The following TRPC5 variants were observed in gnomAD, a reference collection of about 807,000 sequenced individuals.
TRPC5 encodes the protein short transient receptor potential channel 5.
Under a neutral mutation model 56.5 loss-of-function variants are expected in TRPC5, and 9 were observed. The observed-to-expected ratio is 0.16, with a 90% CI of 0.10 to 0.28. The LOEUF is 0.28. Ranked by LOEUF, TRPC5 falls within the 10% of genes least tolerant of loss-of-function variation. The pLI is 1.00. For synonymous variants in TRPC5, 282 were observed against 278.5 expected (o/e 1.01, Z -0.13); for missense variants, 469 against 748.9 (o/e 0.63, Z 4.36).
At chrX:111,787,498 T>C (rs1436205541) in intron 7 of TRPC5, among the ~76,000 whole-genome samples, 2 of 104,611 alleles carry the variant, frequency 1.9e-5, no homozygotes, top group Non-Finnish European at 3.9e-5. Context: ...TTAAAAGAAC[T>C]AGAGAAGCAA....
chrX:111,881,145 T>TATTTTATTTTATTTTATTTTATTTTA (rs201802293), intron 3 of TRPC5, among the ~76,000 whole-genome samples: 4 of 95,038 alleles, frequency 4.2e-5, no homozygotes, highest in African/African-American at 2.2e-4. Flanking sequence ...GATTTTCTTT[T>TATTTTATTTTATTTTATTTTATTTTA]GTTTATTTTA....
intron 7 of TRPC5, among the ~76,000 whole-genome samples, chrX:111,830,728 C>T (rs1362744456): frequency 1.8e-5 from 2 of 111,920 alleles, no homozygotes; most frequent in East Asian, 5.6e-4. Context: ...ATGAAGCATC[C>T]CCAGCCATGT....
intron 9 of TRPC5, 75 bp from the exon 10 acceptor site, chrX:111,779,149 A>G (rs1945900819): frequency 1.7e-5 from 12 of 717,421 alleles, no homozygotes; most frequent in Non-Finnish European, 2.3e-5. Flanking sequence ...TTACATAGGA[A>G]ATAAAACATG....
At chrX:112,000,557 C>G (rs1056933319) in intron 1 of TRPC5, among the ~76,000 whole-genome samples, 1 of 111,237 alleles carries the variant, frequency 9.0e-6, no homozygotes, top group East Asian at 2.8e-4. Flanking sequence ...GCTAGGAGAG[C>G]CTGGGCATGT....
chrX:111,965,563 CAT>C (rs1927537706), intron 1 of TRPC5, among the ~76,000 whole-genome samples: 1 of 111,556 alleles, frequency 9.0e-6, no homozygotes, highest in South Asian at 3.8e-4. Context: ...AAGTTGACCA[CAT>C]AGTTGGAAGT....
At chrX:112,074,935 A>T (rs963566052) in intron 1 of TRPC5, among the ~76,000 whole-genome samples, 2 of 112,263 alleles carry the variant, frequency 1.8e-5, no homozygotes, top group Non-Finnish European at 3.7e-5. Flanking sequence ...TTCTTGGCAT[A>T]ACTGCCCCGT....
chrX:111,833,271 A>G (rs1922465258), intron 7 of TRPC5, among the ~76,000 whole-genome samples: 1 of 111,661 alleles, frequency 9.0e-6, no homozygotes, highest in Non-Finnish European at 1.9e-5. Flanking sequence ...CCGGACACAT[A>G]GGATGTCAGA....
At chrX:111,794,236 A>G (rs898397928) in intron 7 of TRPC5, among the ~76,000 whole-genome samples, 1 of 111,968 alleles carries the variant, frequency 8.9e-6, no homozygotes, top group Non-Finnish European at 1.9e-5. Flanking sequence ...ATGCAAAAGA[A>G]AAAATCAGTT....
At chrX:111,836,724 A>G (rs1170602764) in intron 6 of TRPC5, among the ~76,000 whole-genome samples, 2 of 112,757 alleles carry the variant, frequency 1.8e-5, no homozygotes, top group African/African-American at 6.4e-5. Context: ...AGGCAGAGAC[A>G]TAGCTGCTAG....
At chrX:111,886,170 CTCA>C (rs1924485056) in intron 3 of TRPC5, among the ~76,000 whole-genome samples, 1 of 111,909 alleles carries the variant, frequency 8.9e-6, no homozygotes, top group African/African-American at 3.3e-5. Flanking sequence ...ATCCCAGCTA[CTCA>C]GGAGGCTGAG....
At chrX:111,810,419 T>G (rs1921667097) in intron 7 of TRPC5, among the ~76,000 whole-genome samples, 1 of 111,544 alleles carries the variant, frequency 9.0e-6, no homozygotes, top group Non-Finnish European at 1.9e-5. Flanking sequence ...CTCAGGTGGT[T>G]TCTAATTTAT....
At chrX:111,905,636 C>T (rs992422408) in intron 3 of TRPC5, among the ~76,000 whole-genome samples, 6 of 111,618 alleles carry the variant, frequency 5.4e-5, no homozygotes, top group East Asian at 2.8e-4. Context: ...TGAAGGCGGC[C>T]GGACGCGGTG....
At chrX:111,929,684 C>T (rs1027927738) in intron 2 of TRPC5, among the ~76,000 whole-genome samples, 3 of 112,165 alleles carry the variant, frequency 2.7e-5, no homozygotes, top group Non-Finnish European at 5.6e-5. Context: ...ATTTAATGTG[C>T]GTTTATCAGG....
intron 3 of TRPC5, among the ~76,000 whole-genome samples, chrX:111,889,609 G>A (rs1233185490): frequency 1.8e-5 from 2 of 111,980 alleles, no homozygotes; most frequent in Admixed American, 1.9e-4. Context: ...CTTTACCCAT[G>A]TTTAAAATGC....
intron 3 of TRPC5, among the ~76,000 whole-genome samples, chrX:111,874,086 A>G (rs756519408): frequency 8.9e-6 from 1 of 111,946 alleles, no homozygotes; most frequent in Non-Finnish European, 1.9e-5. Context: ...TCCAGGTAAG[A>G]CCACCCCAAA....
chrX:111,955,941 G>A (rs769350760), intron 1 of TRPC5, among the ~76,000 whole-genome samples: 26 of 112,219 alleles, frequency 2.3e-4, no homozygotes, highest in African/African-American at 7.8e-4. Context: ...CAGTGAACCC[G>A]CTCGCAATGT....
chrX:111,882,202 T>C (rs760465006), intron 3 of TRPC5, among the ~76,000 whole-genome samples: 6 of 111,281 alleles, frequency 5.4e-5, no homozygotes, highest in Non-Finnish European at 1.1e-4. Context: ...GAAATAAAAA[T>C]ATAATTCTGG....
At chrX:111,909,958 T>C (rs1340034243) in intron 3 of TRPC5, among the ~76,000 whole-genome samples, 2 of 111,695 alleles carry the variant, frequency 1.8e-5, no homozygotes, top group East Asian at 5.6e-4. Flanking sequence ...TAACTAAAAC[T>C]GGCAAATGAA....
chrX:112,017,029 T>A (rs1290845442), intron 1 of TRPC5, among the ~76,000 whole-genome samples: 1 of 111,920 alleles, frequency 8.9e-6, no homozygotes. Flanking sequence ...TTATTTGTTT[T>A]TTTGAGACAG....
Sources: gnomAD v4.1 joint callset for allele counts (sites outside exome capture counted in the v4.1 genomes callset) on GRCh38, gnomAD v4.1.1 for gene constraint, MANE v1.5 for transcripts, NCBI Gene and HGNC (gene_info 2026-07-23, HGNC 2026-07-21) for gene names.